ZNF385C: variants seen among roughly 807,000 people sequenced by gnomAD.
ZNF385C encodes zinc finger protein 385C.
In ZNF385C, 28 loss-of-function variants were observed where a neutral mutation model predicts 35.4. The observed-to-expected ratio is 0.79, with a 90% CI of 0.59 to 1.08. The LOEUF is 1.08. Ranked by LOEUF, ZNF385C falls within the 50% of genes least tolerant of loss-of-function variation. ZNF385C has a pLI of 0.00. For missense variants in ZNF385C, 605 were observed against 595.6 expected, an observed-to-expected ratio of 1.02 and a Z score of -0.16; for synonymous variants, 248 against 248.2, an observed-to-expected ratio of 1.00 and a Z score of 0.01.
At chr17:42,081,823 T>C (rs1281409524) in intron 1 of ZNF385C, among the ~76,000 whole-genome samples, 1 of 152,182 alleles carries the variant, frequency 6.6e-6, no homozygotes, top group South Asian at 2.1e-4. Context: ...CCTGAGGAGC[T>C]TGTCCGGCAT....
intron 2 of ZNF385C, among the ~76,000 whole-genome samples, chr17:42,043,905 G>A (rs1555656363): frequency 3.9e-5 from 6 of 152,048 alleles, no homozygotes; most frequent in East Asian, 1.9e-4. Context: ...CTGGAGACAG[G>A]TAGTGGTTCT....
intron 2 of ZNF385C, among the ~76,000 whole-genome samples, chr17:42,044,779 C>T (rs2053115270): frequency 6.6e-6 from 1 of 152,160 alleles, no homozygotes; most frequent in Admixed American, 6.6e-5. Flanking sequence ...TAGCCCAGAC[C>T]TGGGGCCTCA....
chr17:42,047,653 T>C (rs1303815455), intron 2 of ZNF385C, among the ~76,000 whole-genome samples: 1 of 151,696 alleles, frequency 6.6e-6, no homozygotes, highest in Non-Finnish European at 1.5e-5. Flanking sequence ...GCCCTCTTCC[T>C]TGGGACTTTT....
chr17:42,059,588 C>T (rs561286453), intron 2 of ZNF385C, among the ~76,000 whole-genome samples: 1 of 151,742 alleles, frequency 6.6e-6, no homozygotes, highest in Non-Finnish European at 1.5e-5. Context: ...CTAGCTGGGA[C>T]TCTCTTCTGG....
chr17:42,069,306 GT>G (rs1205413191), intron 1 of ZNF385C, among the ~76,000 whole-genome samples: 1 of 152,140 alleles, frequency 6.6e-6, no homozygotes, highest in Non-Finnish European at 1.5e-5. Context: ...GGGCTCTGGG[GT>G]CCCATCTCCA....
At chr17:42,063,427 C>T (rs1324855527) in intron 1 of ZNF385C, among the ~76,000 whole-genome samples, 2 of 152,184 alleles carry the variant, frequency 1.3e-5, no homozygotes, top group Non-Finnish European at 2.9e-5. Flanking sequence ...ACTCAGGAGG[C>T]TGATGCAGGA....
chr17:42,040,449 C>T (rs565216637), intron 2 of ZNF385C: 1 of 1,232,140 alleles, frequency 8.1e-7, no homozygotes. Context: ...CCAGAGGCTG[C>T]AGCAAGGCCA....
intron 1 of ZNF385C, among the ~76,000 whole-genome samples, chr17:42,078,155 A>G (rs1409615593): frequency 6.6e-6 from 1 of 152,136 alleles, no homozygotes; most frequent in African/African-American, 2.4e-5. Flanking sequence ...GGCAGAGATG[A>G]TGTGGAGACA....
At position 42,027,098 on chromosome 17, in the gene ZNF385C, C is replaced by T. The variant is rs782598972; in HGVS notation, c.1311G>A (p.Thr437=). Residue 437 remains threonine (T), a synonymous_variant, in exon 9 of 9, where the codon ACG becomes ACA. Transcript: ENST00000692273. ...KLALQKQLTK[T]LAARFLPSPL... ...GGCTGGGCAGGAAGCGGGCTGCCAA[C>T]GTCTTGGTGAGTTGCTTCTGCAAGG... The T allele has an allele frequency of 1.1e-5, 17 of 1,613,028 alleles. No homozygotes were observed. The highest frequency in any genetic ancestry group is 2.2e-5 in the East Asian group (1 of 44,874).
At chr17:42,034,784 C>CA (rs71357525) in intron 3 of ZNF385C, among the ~76,000 whole-genome samples, 2,210 of 63,966 alleles carry the variant, frequency 0.035, 60 homozygotes, top group African/African-American at 0.086. Flanking sequence ...AACTTCGTCT[C>CA]AAAAAAAAAA....
chr17:42,058,903 C>T (rs551428384), intron 2 of ZNF385C, among the ~76,000 whole-genome samples: 2 of 152,312 alleles, frequency 1.3e-5, no homozygotes, highest in Admixed American at 6.5e-5. Context: ...GTGATCCACC[C>T]GCCTCGGCCT....
intron 1 of ZNF385C, among the ~76,000 whole-genome samples, chr17:42,074,679 G>A (rs573187656): frequency 1.3e-5 from 2 of 152,304 alleles, no homozygotes; most frequent in East Asian, 1.9e-4. Context: ...GTGAGCCACC[G>A]CGCCCGGCCA....
At chr17:42,030,060 A>T (rs999675693) in intron 5 of ZNF385C, among the ~76,000 whole-genome samples, 3 of 151,484 alleles carry the variant, frequency 2.0e-5, no homozygotes, top group East Asian at 1.9e-4. Flanking sequence ...AATTTAAATT[A>T]AAAAAAAATA....
At chr17:42,097,248 G>C (rs780370538) in intron 1 of ZNF385C, among the ~76,000 whole-genome samples, 2 of 152,146 alleles carry the variant, frequency 1.3e-5, no homozygotes, top group African/African-American at 2.4e-5. Context: ...GCAGTAGGTA[G>C]AGGTGTCAGA....
At position 42,062,927 on chromosome 17, in the gene ZNF385C, G is replaced by C. The variant is rs1024140329; in HGVS notation, c.130C>G (p.Leu44Val). The C allele has an allele frequency of 1.4e-6, 1 of 697,748 alleles. No homozygotes were observed. The highest frequency in any genetic ancestry group is 1.5e-5 in the South Asian group (1 of 66,918). 43.2% of individuals were successfully genotyped at this position (697,748 alleles called of 1,614,324 possible). The change falls in exon 2 of 9, where the codon CTC becomes GTC. Residue 44 changes from leucine (L) to valine (V), a missense_variant. By Grantham distance (32) the Leu-to-Val change is conservative. Coordinates refer to ENST00000692273, the MANE Select transcript of ZNF385C (RefSeq NM_001392013.1). ...AGCTGGATGTTGCAGACATCACAGA[G>C]CGTGTACGATGGCCGCTTTCTTTCT... ...KRERKRPSYT[L>V]CDVCNIQLNS... is the part of the protein sequence containing the mutation.
chr17:42,045,220 T>G (rs2053131292), intron 2 of ZNF385C, among the ~76,000 whole-genome samples: 1 of 143,976 alleles, frequency 6.9e-6, no homozygotes, highest in Non-Finnish European at 1.5e-5. Context: ...CCCAGCCAAT[T>G]TTTTATATTT....
Position 42,027,058 on chromosome 17 carries a change from C to T in ZNF385C, c.1351G>A (p.Ala451Thr), listed in dbSNP as rs782025861. ...CCTGGCAGAGCACAGATGGCAGTGG[C>T]TGCGGTGGGGAGCGGGCTGGGCAGG... Reference protein sequence around the residue: ...RFLPSPLPTAATAICALPGPL... With the variant: ...RFLPSPLPTATTAICALPGPL... Residue 451 changes from alanine (A) to threonine (T), a missense_variant, in exon 9 of 9, where the codon GCC becomes ACC. Transcript: ENST00000692273. 2.5e-6 allele frequency: 4 copies of T among 1,609,284 alleles called. No individual in the cohort carries two copies. The highest frequency in any genetic ancestry group is 3.4e-6 in the Non-Finnish European group (4 of 1,177,740).
At chr17:42,079,853 G>A (rs1052524236) in intron 1 of ZNF385C, among the ~76,000 whole-genome samples, 1 of 152,090 alleles carries the variant, frequency 6.6e-6, no homozygotes, top group Non-Finnish European at 1.5e-5. Flanking sequence ...AACAGGCTTG[G>A]GTAGAATGCC....
At chr17:42,033,906 A>C (rs10468484) in intron 4 of ZNF385C, among the ~76,000 whole-genome samples, 6,860 of 152,222 alleles carry the variant, frequency 0.045, 524 homozygotes, top group African/African-American at 0.16. Context: ...GAGATGGGCC[A>C]CTGGGACCTG....
Sources: gnomAD v4.1 joint callset for allele counts (sites outside exome capture counted in the v4.1 genomes callset) on GRCh38, gnomAD v4.1.1 for gene constraint, MANE v1.5 for transcripts, NCBI Gene and HGNC (gene_info 2026-07-23, HGNC 2026-07-21) for gene names.